Variants in MGAT5B observed in about 807,000 individuals in gnomAD.
MGAT5B encodes alpha-1,6-mannosylglycoprotein 6-beta-N-acetylglucosaminyltransferase B, also known as N-acetylglucosaminyl-transferase Vb.
Under a neutral mutation model 95.1 loss-of-function variants are expected in MGAT5B, and 54 were observed. That is an observed-to-expected ratio of 0.57 (90% CI 0.46 to 0.71). The LOEUF is 0.71. Ranked by LOEUF, MGAT5B falls within the 30% of genes least tolerant of loss-of-function variation. MGAT5B has a pLI of 0.00. For synonymous variants in MGAT5B, 464 were observed against 451.0 expected, an observed-to-expected ratio of 1.03 and a Z score of -0.36; for missense variants, 935 against 1,088.6, an observed-to-expected ratio of 0.86 and a Z score of 1.99.
chr17:76,894,109 T>C (rs1967982243), intron 3 of MGAT5B, among the ~76,000 whole-genome samples: 1 of 152,210 alleles, frequency 6.6e-6, no homozygotes, highest in African/African-American at 2.4e-5. Flanking sequence ...CCTCGTAAGC[T>C]TGTGGGCACT....
chr17:76,920,005 C>T (rs894944), intron 8 of MGAT5B, among the ~76,000 whole-genome samples: 1 of 152,020 alleles, frequency 6.6e-6, no homozygotes, highest in Non-Finnish European at 1.5e-5. Flanking sequence ...GGAAATGCTC[C>T]ATTCCCCTGG....
chr17:76,928,582 G>A (rs1435932706), intron 10 of MGAT5B, among the ~76,000 whole-genome samples: 1 of 152,072 alleles, frequency 6.6e-6, no homozygotes, highest in Non-Finnish European at 1.5e-5. Flanking sequence ...GTGGGTGCCT[G>A]TAATCCCAGC....
intron 2 of MGAT5B, among the ~76,000 whole-genome samples, chr17:76,881,202 G>C (rs1007125648): frequency 6.6e-6 from 1 of 152,224 alleles, no homozygotes; most frequent in Non-Finnish European, 1.5e-5. Context: ...GATCGGGAAT[G>C]ATTAGAAAGG....
intron 15 of MGAT5B, among the ~76,000 whole-genome samples, chr17:76,942,884 T>G (rs563231182): frequency 2.6e-5 from 4 of 152,186 alleles, no homozygotes; most frequent in South Asian, 2.1e-4. Flanking sequence ...TGCAAACCAA[T>G]CCTCTAAGAC....
intron 3 of MGAT5B, among the ~76,000 whole-genome samples, chr17:76,901,137 G>A (rs1231969840): frequency 4.6e-5 from 7 of 152,176 alleles, no homozygotes; most frequent in Admixed American, 4.6e-4. Flanking sequence ...AGGTGGAGGT[G>A]GGAGAGTGTG....
At chr17:76,931,538 T>A (rs2145253602) in intron 10 of MGAT5B, among the ~76,000 whole-genome samples, 1 of 152,334 alleles carries the variant, frequency 6.6e-6, no homozygotes, top group South Asian at 2.1e-4. Flanking sequence ...AGCACAGTTC[T>A]GTATGGAGAG....
chr17:76,932,573 G>A, intron 10 of MGAT5B, 72 bp from the exon 11 acceptor site: 1 of 1,595,902 alleles, frequency 6.3e-7, no homozygotes, highest in Non-Finnish European at 8.5e-7. Context: ...CTTGGGCGGG[G>A]CAGTCCAGGG....
rs768827238 is a variant in MGAT5B, at chr17:76,882,165, G to A, written c.196G>A (p.Glu66Lys). The A allele has an allele frequency of 1.9e-5, 31 of 1,611,178 alleles. No individual in the cohort carries two copies. The highest frequency in any genetic ancestry group is 1.3e-4 in the South Asian group (12 of 90,714). The change falls in exon 3 of 18, where the codon GAG becomes AAG. Residue 66 changes from glutamate (E) to lysine (K), a missense_variant. This residue lies in a region of MGAT5B where 243 missense variants were observed against 228.2 expected (regional missense o/e 1.06). Transcript: ENST00000569840. The part of the protein sequence containing the change: ...TIRTEVMGGP[E>K]SRGVLRKMSD... ...TCTGCCCACAGTGATGGGGGGCCCC[G>A]AGTCCCGCGGCGTCCTGCGCAAGAT...
At chr17:76,888,156 T>C (rs1967731745) in intron 3 of MGAT5B, among the ~76,000 whole-genome samples, 1 of 152,086 alleles carries the variant, frequency 6.6e-6, no homozygotes. Context: ...ATTTATTTTT[T>C]TGTTTGGAAG....
rs1490402909 is a variant in MGAT5B at position 76,869,007 on chromosome 17, G to A, written c.-23G>A. 7 of 1,612,732 alleles carry A rather than the reference G, an allele frequency of 4.3e-6. No individual in the cohort carries two copies. Among genetic ancestry groups the A allele is most frequent in the Non-Finnish European group, 5.9e-6 (7 of 1,179,134 alleles). On this transcript the variant is annotated 5_prime_UTR_variant, in exon 1 of 18. Coordinates refer to ENST00000569840, the MANE Select transcript of MGAT5B (RefSeq NM_001199172.2). The surrounding 1 kb of genome is among the most constrained non-coding windows in gnomAD (Gnocchi z 7.0). ...GGTGCGTCCGGCCTCGCCCGCGGCT[G>A]CTCGCACCAACAAGTTTGAACAATG...
At chr17:76,924,147 G>A (rs533165215) in intron 8 of MGAT5B, 5 of 152,356 alleles carry the variant, frequency 3.3e-5, no homozygotes, top group African/African-American at 1.2e-4. Flanking sequence ...GCTGGGACAG[G>A]GGGCTTTGAA....
At chr17:76,903,881 G>T (rs76936) in intron 5 of MGAT5B, among the ~76,000 whole-genome samples, 1 of 152,174 alleles carries the variant, frequency 6.6e-6, no homozygotes, top group African/African-American at 2.4e-5. Flanking sequence ...AGCCCTGGCC[G>T]CCTTGGAGGC....
At chr17:76,872,592 T>G in intron 1 of MGAT5B, 1 of 1,393,974 alleles carries the variant, frequency 7.2e-7, no homozygotes, top group Non-Finnish European at 9.4e-7. Context: ...AGAGCCCGCC[T>G]GCCTCATGCC....
intron 10 of MGAT5B, among the ~76,000 whole-genome samples, chr17:76,928,978 G>T (rs1437238423): frequency 6.6e-6 from 1 of 151,750 alleles, no homozygotes; most frequent in Non-Finnish European, 1.5e-5. Context: ...CGATTCTTGT[G>T]CATTAGCTTT....
At chr17:76,944,708 G>A (rs2082324966) in intron 15 of MGAT5B, among the ~76,000 whole-genome samples, 1 of 152,314 alleles carries the variant, frequency 6.6e-6, no homozygotes, top group Admixed American at 6.5e-5. Context: ...GGCAATGTCC[G>A]GCTTCAAGGA....
In MGAT5B at chr17:76,912,251, C is replaced by T. The variant is rs1968765557; in HGVS notation, c.1025+6064C>T. Among the ~76,000 whole-genome samples, 1 of 152,120 alleles carries T rather than the reference C, an allele frequency of 6.6e-6. No individual in the cohort carries two copies. Among genetic ancestry groups the T allele is most frequent in the Non-Finnish European group, 1.5e-5 (1 of 68,002 alleles). ...TTGGGGGTGGAGGACACAATGTAAA[C>T]CCATAATAAGATGGCAACCACTGGG... On this transcript the variant is annotated intron_variant, in intron 8 of 17. Transcript: ENST00000569840. The surrounding 1 kb of genome is among the most constrained non-coding windows in gnomAD (Gnocchi z 5.0).
At chr17:76,913,222 C>T (rs550194225) in intron 8 of MGAT5B, among the ~76,000 whole-genome samples, 4 of 152,294 alleles carry the variant, frequency 2.6e-5, no homozygotes, top group African/African-American at 4.8e-5. Context: ...CAGAGAATGA[C>T]GAAGGTGGGG....
At chr17:76,928,805 G>GTGTTTTGCCAAGTGGA (rs1324814485) in intron 10 of MGAT5B, among the ~76,000 whole-genome samples, 5 of 152,238 alleles carry the variant, frequency 3.3e-5, no homozygotes, top group African/African-American at 1.2e-4. Flanking sequence ...CGAGGAGTGG[G>GTGTTTTGCCAAGTGGA]GTGTTTTAGC....
intron 3 of MGAT5B, among the ~76,000 whole-genome samples, chr17:76,884,653 G>GA (rs1967557403): frequency 6.6e-6 from 1 of 150,478 alleles, no homozygotes; most frequent in Non-Finnish European, 1.5e-5. Context: ...GCCCAGGCTG[G>GA]AGTGCAGTGG....
Sources: allele counts gnomAD v4.1 joint callset (sites outside exome capture counted in the v4.1 genomes callset), GRCh38; gene constraint gnomAD v4.1.1; regional missense constraint gnomAD v4.1.1; non-coding constraint Gnocchi (gnomAD v3.1); transcripts MANE v1.5; gene names NCBI Gene and HGNC (gene_info 2026-07-23, HGNC 2026-07-21).